Variants in ABTB3 observed in about 807,000 individuals in gnomAD.
ABTB3 encodes the protein ankyrin repeat and BTB domain containing 3, also known as ankyrin repeat- and BTB/POZ domain-containing protein 3.
chr12:107,643,401 TCAAAAA>T, the ABTB3 span, among the ~76,000 whole-genome samples: 18,452 of 67,302 alleles, frequency 0.27, 1,359 homozygotes, highest in Middle Eastern at 0.39. Flanking sequence ...AGACCCTATC[TCAAAAA>T]AAAAAAAAAA....
At chr12:107,452,472 C>T in the ABTB3 span, among the ~76,000 whole-genome samples, 3 of 151,998 alleles carry the variant, frequency 2.0e-5, no homozygotes, top group Non-Finnish European at 4.4e-5. Flanking sequence ...TCCCAAAGTG[C>T]TGGGATTACA....
At chr12:107,368,058 CA>C in the ABTB3 span, among the ~76,000 whole-genome samples, 1 of 152,224 alleles carries the variant, frequency 6.6e-6, no homozygotes, top group South Asian at 2.1e-4. Flanking sequence ...TTATTTCTAA[CA>C]GCTGCACAGT....
At chr12:107,418,354 G>T in the ABTB3 span, among the ~76,000 whole-genome samples, 1 of 152,154 alleles carries the variant, frequency 6.6e-6, no homozygotes. Context: ...ATGGCTTATT[G>T]TGGAACCTTG....
chr12:107,568,283 C>G, the ABTB3 span, among the ~76,000 whole-genome samples: 3 of 152,094 alleles, frequency 2.0e-5, no homozygotes, highest in Non-Finnish European at 4.4e-5. Context: ...CTGCACAGGG[C>G]CTAGAATATT....
At chr12:107,559,772 T>C in the ABTB3 span, among the ~76,000 whole-genome samples, 1 of 152,226 alleles carries the variant, frequency 6.6e-6, no homozygotes, top group Non-Finnish European at 1.5e-5. Flanking sequence ...TTGATTTAAT[T>C]ACATTTTCCC....
At chr12:107,489,732 C>T in the ABTB3 span, among the ~76,000 whole-genome samples, 1 of 152,148 alleles carries the variant, frequency 6.6e-6, no homozygotes, top group African/African-American at 2.4e-5. Flanking sequence ...TAAAATGTGA[C>T]ACTTCTACTA....
the ABTB3 span, among the ~76,000 whole-genome samples, chr12:107,536,702 T>A: frequency 6.6e-6 from 1 of 151,950 alleles, no homozygotes; most frequent in East Asian, 1.9e-4. Context: ...CCAGTTAGAG[T>A]GGCTGTTATC....
At chr12:107,433,269 C>T in the ABTB3 span, among the ~76,000 whole-genome samples, 1 of 132,658 alleles carries the variant, frequency 7.5e-6, no homozygotes, top group Non-Finnish European at 1.5e-5. Context: ...CGCAGTCCGG[C>T]CTGGGCGACA....
At chr12:107,482,324 G>A in the ABTB3 span, among the ~76,000 whole-genome samples, 2 of 152,138 alleles carry the variant, frequency 1.3e-5, no homozygotes, top group African/African-American at 2.4e-5. Flanking sequence ...GAGAACAAGA[G>A]GTGAAGGAGA....
At chr12:107,495,821 T>C in the ABTB3 span, among the ~76,000 whole-genome samples, 22 of 152,220 alleles carry the variant, frequency 1.4e-4, no homozygotes, top group African/African-American at 5.3e-4. Context: ...CTCTGTTTTC[T>C]TGTCTGTAAA....
the ABTB3 span, among the ~76,000 whole-genome samples, chr12:107,595,361 G>A: frequency 6.6e-6 from 1 of 152,132 alleles, no homozygotes; most frequent in Non-Finnish European, 1.5e-5. Flanking sequence ...GACCTGAGGA[G>A]CACCCCATTT....
chr12:107,490,234 CTG>C, the ABTB3 span, among the ~76,000 whole-genome samples: 1 of 152,142 alleles, frequency 6.6e-6, no homozygotes, highest in Non-Finnish European at 1.5e-5. Context: ...CTTGAGGAGA[CTG>C]TGGGTTTGCA....
the ABTB3 span, among the ~76,000 whole-genome samples, chr12:107,533,570 A>AGAATATAACAGTTTT: frequency 6.6e-6 from 1 of 152,242 alleles, no homozygotes; most frequent in Non-Finnish European, 1.5e-5. Context: ...TTTTAGCAAG[A>AGAATATAACAGTTTT]GAATATAACA....
the ABTB3 span, among the ~76,000 whole-genome samples, chr12:107,390,290 G>A: frequency 2.0e-5 from 3 of 152,242 alleles, no homozygotes; most frequent in African/African-American, 7.2e-5. Flanking sequence ...CTAGGAGGTA[G>A]ATATTATTAT....
the ABTB3 span, among the ~76,000 whole-genome samples, chr12:107,381,046 A>G: frequency 1.2e-3 from 181 of 152,278 alleles, 1 homozygote; most frequent in Middle Eastern, 3.4e-3. Context: ...CCACTGGTTT[A>G]ATGAATGCAT....
At chr12:107,377,424 T>C in the ABTB3 span, among the ~76,000 whole-genome samples, 2 of 142,878 alleles carry the variant, frequency 1.4e-5, no homozygotes, top group Admixed American at 1.4e-4. Context: ...AGTGTGTGTG[T>C]GTGTGTGTGT....
At chr12:107,520,275 A>C in the ABTB3 span, 1 of 985,190 alleles carries the variant, frequency 1.0e-6, no homozygotes, top group Non-Finnish European at 1.2e-6. Flanking sequence ...ATGCTTGTTA[A>C]AATCAGTAGT....
chr12:107,649,137 G>T, the ABTB3 span: 1 of 1,402,514 alleles, frequency 7.1e-7, no homozygotes, highest in East Asian at 2.3e-5. Context: ...CCTGAGTTGG[G>T]GCATCCACCG....
chr12:107,652,441 A>G, the ABTB3 span, among the ~76,000 whole-genome samples: 117,390 of 152,162 alleles, frequency 0.77, 46,012 homozygotes, highest in East Asian at 0.91. Context: ...CTCTGGGAGT[A>G]GAACCTGGAA....
Sources: gnomAD v4.1 joint callset for allele counts (sites outside exome capture counted in the v4.1 genomes callset) on GRCh38, gnomAD v4.1.1 for gene constraint, MANE v1.5 for transcripts, NCBI Gene and HGNC (gene_info 2026-07-23, HGNC 2026-07-21) for gene names.